The following PRKCB variants were observed in gnomAD, a reference collection of about 807,000 sequenced individuals.
PRKCB encodes protein kinase C beta type.
In PRKCB, 13 loss-of-function variants were observed where a neutral mutation model predicts 81.5. The ratio of observed to expected loss-of-function variants is 0.16; its 90% CI spans 0.10 to 0.25. The LOEUF is 0.25. PRKCB is among the 10% of genes least tolerant of loss of function. The pLI, the probability that PRKCB is intolerant of heterozygous loss-of-function variation, is 1.00. For synonymous variants in PRKCB, 335 were observed against 321.4 expected (o/e 1.04, Z -0.45); for missense variants, 509 against 875.7 (o/e 0.58, Z 5.29).
intron 3 of PRKCB, among the ~76,000 whole-genome samples, chr16:24,029,718 G>A (rs185793365): frequency 6.6e-6 from 1 of 152,208 alleles, no homozygotes; most frequent in East Asian, 1.9e-4. Flanking sequence ...TTGCTTACAT[G>A]TTCATTTTCT....
At chr16:24,206,470 G>C (rs193197644) in intron 16 of PRKCB, among the ~76,000 whole-genome samples, 1 of 152,312 alleles carries the variant, frequency 6.6e-6, no homozygotes, top group Non-Finnish European at 1.5e-5. Context: ...TAGCTCCCCT[G>C]AGCCACTAGC....
intron 5 of PRKCB, among the ~76,000 whole-genome samples, chr16:24,063,627 T>TA (rs1965999730): frequency 6.6e-6 from 1 of 152,080 alleles, no homozygotes; most frequent in Non-Finnish European, 1.5e-5. Flanking sequence ...CCATTTTTTT[T>TA]ATAAGGGGAG....
intron 10 of PRKCB, among the ~76,000 whole-genome samples, chr16:24,158,592 A>ATGTGTGTGTGTGTGTATGTG (rs1967204476): frequency 1.3e-5 from 2 of 151,066 alleles, no homozygotes; most frequent in Non-Finnish European, 2.9e-5. Context: ...ATGTATATGT[A>ATGTGTGTGTGTGTGTATGTG]TATGTGTGTG....
rs377417106 is a variant in PRKCB at position 24,185,096 on chromosome 16, C to A, written c.1534-15C>A. On this transcript the variant is annotated splice_polypyrimidine_tract_variant and intron_variant, in intron 13 of 16. Coordinates refer to ENST00000643927, the MANE Select transcript of PRKCB (RefSeq NM_002738.7). ...AACTGCAAACCTCCCTGATAGGGTG[C>A]CTTCTCTTTTCTAGATAATTGCTTA... 6.2e-7 allele frequency: 1 copy of A among 1,610,950 alleles called. No individual in the cohort carries two copies.
intron 3 of PRKCB, among the ~76,000 whole-genome samples, chr16:24,021,293 CCCTTCCTTCCTTCCTTCCTTCCTTCCTT>C (rs1157671937): frequency 1.6e-4 from 3 of 18,386 alleles, no homozygotes; most frequent in Non-Finnish European, 2.8e-4. Context: ...CCCTCTCCCT[CCCTTCCTTCCTTCCTTCCTTCCTTCCTT>C]CCTTCCTTCC....
At position 24,174,272 on chromosome 16, in the gene PRKCB, C is replaced by T. The variant is rs549068080; in HGVS notation, c.1332-246C>T. 2.0e-5 allele frequency: 9 copies of T among 443,246 alleles called. No individual in the cohort carries two copies. The East Asian group carries it at 2.4e-4, about 12-fold the overall frequency. 27.5% of individuals were successfully genotyped at this position (443,246 alleles called of 1,614,324 possible). On this transcript the variant is annotated intron_variant, in intron 11 of 16. Coordinates refer to ENST00000643927, the MANE Select transcript of PRKCB (RefSeq NM_002738.7). Reference sequence around the variant, plus strand: ...ATCCAGTTCATCATATCCCATGTCCCCTTCTCCACTATACAATTGCTGAAC... The same window carrying T: ...ATCCAGTTCATCATATCCCATGTCCTCTTCTCCACTATACAATTGCTGAAC...
chr16:23,953,442 C>T (rs1964309635), intron 2 of PRKCB, among the ~76,000 whole-genome samples: 1 of 152,216 alleles, frequency 6.6e-6, no homozygotes. Context: ...GGGCATCCTC[C>T]TGTTGCAGCT....
rs1451192528 is a variant in PRKCB at position 24,215,001 on chromosome 16, T to C, written c.*185T>C. 7.1e-7 allele frequency: 1 copy of C among 1,405,628 alleles called. No homozygotes were observed. 87.1% of individuals were successfully genotyped at this position (1,405,628 alleles called of 1,614,324 possible). On this transcript the variant is annotated 3_prime_UTR_variant, in exon 17 of 17. Transcript: ENST00000643927. ...GGAGCATCTCTATGAGATGGGATTATGCAGATGGCCTATGGAAAATGCAGC... is the reference window on the plus strand; with the variant it reads ...GGAGCATCTCTATGAGATGGGATTACGCAGATGGCCTATGGAAAATGCAGC...
At chr16:23,947,967 C>T (rs1964226619) in intron 2 of PRKCB, among the ~76,000 whole-genome samples, 1 of 149,400 alleles carries the variant, frequency 6.7e-6, no homozygotes, top group Non-Finnish European at 1.5e-5. Context: ...CAGAAACCCA[C>T]TCGCCCAACC....
chr16:23,863,088 A>G (rs1041285485), intron 2 of PRKCB, among the ~76,000 whole-genome samples: 5 of 148,344 alleles, frequency 3.4e-5, no homozygotes, highest in African/African-American at 9.8e-5. Context: ...ATTTATATAT[A>G]TGATTATATA....
intron 9 of PRKCB, among the ~76,000 whole-genome samples, chr16:24,148,569 G>A (rs954092385): frequency 6.6e-5 from 10 of 152,218 alleles, no homozygotes; most frequent in Admixed American, 6.5e-4. Context: ...GCCTCTCTCA[G>A]TTGAAGCTTT....
chr16:24,185,698 G>C, intron 15 of PRKCB, 131 bp downstream of exon 15: 1 of 722,938 alleles, frequency 1.4e-6, no homozygotes. Flanking sequence ...GCCAATATGA[G>C]AACCCTGATG....
intron 2 of PRKCB, among the ~76,000 whole-genome samples, chr16:23,867,352 C>T (rs1322258235): frequency 2.0e-5 from 3 of 152,218 alleles, no homozygotes; most frequent in African/African-American, 7.2e-5. Context: ...GAACTCCTGA[C>T]CTCAGGTGAT....
chr16:23,879,054 T>C (rs1426871490), intron 2 of PRKCB, among the ~76,000 whole-genome samples: 2 of 152,130 alleles, frequency 1.3e-5, no homozygotes, highest in Non-Finnish European at 2.9e-5. Context: ...GGCACGCGCC[T>C]GTAATCCCAG....
At chr16:24,024,777 A>G (rs574215472) in intron 3 of PRKCB, among the ~76,000 whole-genome samples, 2 of 152,234 alleles carry the variant, frequency 1.3e-5, no homozygotes, top group African/African-American at 4.8e-5. Flanking sequence ...CTCAAAGTAC[A>G]AGCATGGCTT....
intron 2 of PRKCB, among the ~76,000 whole-genome samples, chr16:23,839,681 G>A (rs992024333): frequency 4.6e-5 from 7 of 152,022 alleles, no homozygotes; most frequent in African/African-American, 1.2e-4. Context: ...AGTCCCTGTC[G>A]GTCTGAATCC....
At chr16:24,080,336 G>A (rs1966233424) in intron 5 of PRKCB, among the ~76,000 whole-genome samples, 1 of 152,200 alleles carries the variant, frequency 6.6e-6, no homozygotes, top group African/African-American at 2.4e-5. Context: ...GCAGTGATAT[G>A]AATAGTAGGG....
chr16:24,219,399 G>T lies in PRKCB; in HGVS notation c.*4583G>T, dbSNP rs1049997160. 4.1e-6 allele frequency: 4 copies of T among 985,550 alleles called. No individual in the cohort carries two copies. The African/African-American group carries it at 7.0e-5, about 17-fold the overall frequency. 61.1% of individuals were successfully genotyped at this position (985,550 alleles called of 1,614,324 possible). A position where few individuals can be genotyped will look rare whatever the true frequency, so the allele number is the denominator to read the frequency against. On this transcript the variant is annotated 3_prime_UTR_variant, in exon 17 of 17. Transcript: ENST00000643927. ...AAACACCCAATTCTAGACTGTGGGTGGATTTTCGAGCTGACGGTGGTCAAT... is the reference window on the plus strand; with the variant it reads ...AAACACCCAATTCTAGACTGTGGGTTGATTTTCGAGCTGACGGTGGTCAAT...
intron 2 of PRKCB, among the ~76,000 whole-genome samples, chr16:23,886,406 G>GTTTTTTTTTTTTT (rs398029038): frequency 8.5e-5 from 6 of 70,222 alleles, no homozygotes; most frequent in Admixed American, 1.8e-4. Context: ...TGTGTTAGGT[G>GTTTTTTTTTTTTT]TTTTTTTTTT....
Sources: gnomAD v4.1 joint callset for allele counts (sites outside exome capture counted in the v4.1 genomes callset) on GRCh38, gnomAD v4.1.1 for gene constraint, MANE v1.5 for transcripts, NCBI Gene and HGNC (gene_info 2026-07-23, HGNC 2026-07-21) for gene names.